The following TRPC4AP variants were observed in gnomAD, a reference collection of about 807,000 sequenced individuals.
TRPC4AP encodes transient receptor potential cation channel subfamily C member 4 associated protein.
TRPC4AP carries 45 observed loss-of-function variants against 99.0 expected under a neutral mutation model. The observed-to-expected ratio is 0.45, with a 90% CI of 0.36 to 0.58. The LOEUF is 0.58. Ranked by LOEUF, TRPC4AP falls within the 20% of genes least tolerant of loss-of-function variation. TRPC4AP has a pLI of 0.00. For synonymous variants in TRPC4AP, 408 were observed against 385.8 expected, an observed-to-expected ratio of 1.06 and a Z score of -0.67; for missense variants, 879 against 985.3, an observed-to-expected ratio of 0.89 and a Z score of 1.44.
intron 3 of TRPC4AP, among the ~76,000 whole-genome samples, chr20:35,063,843 A>C (rs1231734627): frequency 2.0e-5 from 3 of 152,234 alleles, no homozygotes; most frequent in African/African-American, 7.2e-5. Context: ...CCTGTGACAC[A>C]GTGCAACTCT....
chr20:35,076,378 T>C (rs546127357), intron 2 of TRPC4AP, among the ~76,000 whole-genome samples: 139 of 152,340 alleles, frequency 9.1e-4, no homozygotes, highest in Non-Finnish European at 1.6e-3. Context: ...CTCTGGTTTC[T>C]CCCTATCTTT....
At chr20:35,004,338 A>G (rs1600491957) in intron 17 of TRPC4AP, 120 bp downstream of exon 17, 2 of 814,826 alleles carry the variant, frequency 2.5e-6, no homozygotes, top group Non-Finnish European at 4.1e-6. Context: ...CAGTCCTCAG[A>G]AGAGCTGGGT....
At chr20:35,081,665 C>T (rs899174140) in intron 1 of TRPC4AP, among the ~76,000 whole-genome samples, 1 of 151,974 alleles carries the variant, frequency 6.6e-6, no homozygotes, top group Admixed American at 6.6e-5. Context: ...GGTAGTATAA[C>T]TATATTAAAA....
chr20:35,055,584 T>C (rs879362502), intron 4 of TRPC4AP, among the ~76,000 whole-genome samples: 3 of 152,252 alleles, frequency 2.0e-5, no homozygotes, highest in Non-Finnish European at 2.9e-5. Context: ...CACAGCTCAC[T>C]GTAGTCTCGA....
chr20:35,008,531 C>T, intron 13 of TRPC4AP, 133 bp downstream of exon 13: 1 of 756,902 alleles, frequency 1.3e-6, no homozygotes, highest in Non-Finnish European at 2.2e-6. Flanking sequence ...GGCAGTCAAA[C>T]CACCTCTCCC....
chr20:35,016,028 G>C lies in TRPC4AP; in HGVS notation c.1330C>G (p.Gln444Glu), dbSNP rs772902554. ...CTTACCGGGCTACAGTCACAGTTCT[G>C]GTTGTGACCATGGAGGACAAGGGCA... ...ASALVLHGHNQNCDCSPDITL... is the reference protein window; with the variant it reads ...ASALVLHGHNENCDCSPDITL... The change falls in exon 10 of 19, where the codon CAG becomes GAG. Residue 444 changes from glutamine (Q) to glutamate (E), a missense_variant. Physicochemically the swap from Gln to Glu is conservative, Grantham distance 29 (BLOSUM62 2). This residue lies in a region of TRPC4AP where 603 missense variants were observed against 631.8 expected (regional missense o/e 0.95). Coordinates refer to ENST00000252015, the MANE Select transcript of TRPC4AP (RefSeq NM_015638.3). 1.2e-6 allele frequency: 2 copies of C among 1,614,062 alleles called. No homozygotes were observed. Among genetic ancestry groups the C allele is most frequent in the Non-Finnish European group, 1.7e-6 (2 of 1,180,044 alleles).
chr20:35,031,900 A>G (rs2083204409), intron 8 of TRPC4AP, among the ~76,000 whole-genome samples: 2 of 152,018 alleles, frequency 1.3e-5, no homozygotes, highest in South Asian at 4.2e-4. Flanking sequence ...CTTAAAAAAA[A>G]GTTTTTTTTG....
At chr20:35,014,823 G>A (rs1036130722) in intron 10 of TRPC4AP, among the ~76,000 whole-genome samples, 9 of 152,108 alleles carry the variant, frequency 5.9e-5, no homozygotes, top group Non-Finnish European at 7.4e-5. Context: ...CCGACTAGCC[G>A]GGGGGCCAAT....
chr20:35,042,556 C>T (rs1016584551), intron 7 of TRPC4AP, among the ~76,000 whole-genome samples: 2 of 152,158 alleles, frequency 1.3e-5, no homozygotes, highest in African/African-American at 4.8e-5. Flanking sequence ...TTTAATGATA[C>T]ATTTGTATAA....
intron 1 of TRPC4AP, among the ~76,000 whole-genome samples, chr20:35,086,523 A>G (rs368714257): frequency 1.0e-5 from 1 of 99,088 alleles, no homozygotes; most frequent in Non-Finnish European, 2.0e-5. Flanking sequence ...GTGTGTGTAT[A>G]TATGTGTGTG....
intron 5 of TRPC4AP, among the ~76,000 whole-genome samples, chr20:35,053,252 A>G (rs2083746634): frequency 6.6e-6 from 1 of 152,188 alleles, no homozygotes; most frequent in African/African-American, 2.4e-5. Context: ...AATATTATAA[A>G]CTAAGTCACC....
At chr20:35,083,038 A>G (rs770895493) in intron 1 of TRPC4AP, among the ~76,000 whole-genome samples, 1 of 152,216 alleles carries the variant, frequency 6.6e-6, no homozygotes. Flanking sequence ...TATAGAAGAC[A>G]TAAGATTGGT....
At position 35,008,712 on chromosome 20, in the gene TRPC4AP, G is replaced by T; in HGVS notation, c.1547C>A (p.Thr516Asn). Reference sequence around the variant, plus strand: ...CTTCTTCATGACCTGCAGCAGACGAGTTAATAAGCCCCTCTTCCCATCACA... The same window carrying T: ...CTTCTTCATGACCTGCAGCAGACGATTTAATAAGCCCCTCTTCCCATCACA... Reference protein sequence around the residue: ...LVCDGKRGLLTRLLQVMKKEP... With the variant: ...LVCDGKRGLLNRLLQVMKKEP... Residue 516 changes from threonine (T) to asparagine (N), a missense_variant, in exon 13 of 19, where the codon ACT becomes AAT. Thr to Asn is a moderately conservative substitution (Grantham distance 65, BLOSUM62 0). Around this residue, in one of 3 missense-constraint regions of TRPC4AP, gnomAD observed 603 missense variants for 631.8 expected, o/e 0.95. Transcript: ENST00000252015. 2 of 1,614,048 alleles carry T rather than the reference G, an allele frequency of 1.2e-6. No homozygotes were observed. The highest frequency in any genetic ancestry group is 1.7e-6 in the Non-Finnish European group (2 of 1,179,980).
chr20:35,006,298 T>C, intron 15 of TRPC4AP, 137 bp downstream of exon 15: 2 of 1,012,072 alleles, frequency 2.0e-6, no homozygotes, highest in Non-Finnish European at 2.9e-6. Flanking sequence ...CAGGTTCCAA[T>C]GAATGTTTGC....
At chr20:35,045,666 G>C (rs2083544536) in intron 6 of TRPC4AP, among the ~76,000 whole-genome samples, 1 of 152,206 alleles carries the variant, frequency 6.6e-6, no homozygotes, top group African/African-American at 2.4e-5. Context: ...AGCCTCCCAA[G>C]TAGTGGGGAT....
chr20:35,082,976 C>T (rs1162828766), intron 1 of TRPC4AP, among the ~76,000 whole-genome samples: 1 of 152,124 alleles, frequency 6.6e-6, no homozygotes, highest in Non-Finnish European at 1.5e-5. Context: ...CAGGAACATG[C>T]TACTTCTATT....
At chr20:35,069,792 T>C (rs1465211546) in intron 2 of TRPC4AP, among the ~76,000 whole-genome samples, 1 of 152,064 alleles carries the variant, frequency 6.6e-6, no homozygotes, top group Non-Finnish European at 1.5e-5. Context: ...AGTACAAAAA[T>C]TAGCCGGATG....
chr20:35,086,428 CATAT>C (rs1481022462), intron 1 of TRPC4AP, among the ~76,000 whole-genome samples: 3 of 118,918 alleles, frequency 2.5e-5, no homozygotes, highest in African/African-American at 9.2e-5. Context: ...AAATGAATGG[CATAT>C]GTGTGTGTGT....
chr20:35,035,989 T>C (rs574020728), intron 7 of TRPC4AP, among the ~76,000 whole-genome samples: 2 of 152,362 alleles, frequency 1.3e-5, no homozygotes, highest in East Asian at 1.9e-4. Context: ...TACTCATCTA[T>C]AGTTTCTAAT....
Sources: allele counts gnomAD v4.1 joint callset (sites outside exome capture counted in the v4.1 genomes callset), GRCh38; gene constraint gnomAD v4.1.1; regional missense constraint gnomAD v4.1.1; transcripts MANE v1.5; gene names NCBI Gene and HGNC (gene_info 2026-07-23, HGNC 2026-07-21).